PPP4R3A: variants seen among roughly 807,000 people sequenced by gnomAD.
PPP4R3A encodes the protein serine/threonine-protein phosphatase 4 regulatory subunit 3A.
In PPP4R3A, 15 loss-of-function variants were observed where a neutral mutation model predicts 91.7. The observed-to-expected ratio is 0.16, with a 90% CI of 0.11 to 0.25. PPP4R3A has a LOEUF of 0.25. Ranked by LOEUF, PPP4R3A falls within the 10% of genes least tolerant of loss-of-function variation. PPP4R3A has a pLI of 1.00. For synonymous variants in PPP4R3A, 377 were observed against 348.7 expected (o/e 1.08, Z -0.91); for missense variants, 623 against 998.4 (o/e 0.62, Z 5.07).
chr14:91,483,121 T>G (rs1889672668), intron 3 of PPP4R3A, among the ~76,000 whole-genome samples: 1 of 152,210 alleles, frequency 6.6e-6, no homozygotes, highest in Non-Finnish European at 1.5e-5. Context: ...GCATTTTTTT[T>G]GGTAACAAAA....
At chr14:91,506,030 C>G (rs988327201) in intron 1 of PPP4R3A, among the ~76,000 whole-genome samples, 1 of 151,956 alleles carries the variant, frequency 6.6e-6, no homozygotes, top group African/African-American at 2.4e-5. Flanking sequence ...ACTGCAAGCT[C>G]CGCCTCCTGT....
In PPP4R3A at chr14:91,509,788, C is replaced by A; in HGVS notation, c.-141G>T. ...ACTGCCGCCGCTGGGCGCCGCGGGG[C>A]CGCGCCGCCGCCTGCATGGCCCGCT... On this transcript the variant is annotated 5_prime_UTR_variant, in exon 1 of 15. Coordinates refer to ENST00000554943, the MANE Select transcript of PPP4R3A (RefSeq NM_001366432.2). The A allele has an allele frequency of 1.6e-6, 2 of 1,249,598 alleles. No homozygotes were observed. Among genetic ancestry groups the A allele is most frequent in the Non-Finnish European group, 2.0e-6 (2 of 1,001,144 alleles). The allele number at this position is 1,249,598 out of a possible 1,614,324, so 77.4% of individuals were successfully genotyped here.
chr14:91,475,736 T>G, intron 7 of PPP4R3A, 75 bp downstream of exon 7: 1 of 1,392,282 alleles, frequency 7.2e-7, no homozygotes, highest in African/African-American at 1.5e-5. Context: ...AACAATTAAA[T>G]CTTAAAAGTG....
chr14:91,468,696 AAG>A, intron 10 of PPP4R3A, among the ~76,000 whole-genome samples: 2 of 145,140 alleles, frequency 1.4e-5, no homozygotes, highest in African/African-American at 5.1e-5. Flanking sequence ...AAAAGGAAAA[AAG>A]AAAAAAAAGA....
At chr14:91,482,234 G>T in intron 3 of PPP4R3A, 41 bp from the exon 4 acceptor site, 2 of 1,538,178 alleles carry the variant, frequency 1.3e-6, no homozygotes, top group Non-Finnish European at 8.7e-7. Context: ...TAGATAACAG[G>T]TGACCAGCAA....
chr14:91,488,845 C>A (rs373844338), intron 2 of PPP4R3A, among the ~76,000 whole-genome samples: 8 of 151,842 alleles, frequency 5.3e-5, no homozygotes, highest in African/African-American at 1.9e-4. Flanking sequence ...GCCTCAGTTT[C>A]CTCATCATTA....
chr14:91,495,255 T>C (rs1393715843), intron 1 of PPP4R3A, among the ~76,000 whole-genome samples: 1 of 149,032 alleles, frequency 6.7e-6, no homozygotes, highest in African/African-American at 2.5e-5. Context: ...TGAAAACATA[T>C]GAAATTAAAG....
At chr14:91,487,359 A>T (rs889500448) in intron 2 of PPP4R3A, among the ~76,000 whole-genome samples, 8 of 152,124 alleles carry the variant, frequency 5.3e-5, no homozygotes, top group Non-Finnish European at 1.2e-4. Context: ...TCTCATTGAG[A>T]GCAATCTATA....
intron 3 of PPP4R3A, among the ~76,000 whole-genome samples, chr14:91,485,109 C>T (rs539953865): frequency 6.6e-6 from 1 of 152,012 alleles, no homozygotes; most frequent in East Asian, 1.9e-4. Context: ...CACCTAATTG[C>T]TCTAGCTAAA....
intron 1 of PPP4R3A, among the ~76,000 whole-genome samples, chr14:91,493,655 A>G (rs1042007950): frequency 6.8e-6 from 1 of 146,134 alleles, no homozygotes; most frequent in Non-Finnish European, 1.5e-5. Flanking sequence ...AAAAAGGTAT[A>G]AAAATCTCCA....
At chr14:91,503,236 C>A (rs952077935) in intron 1 of PPP4R3A, among the ~76,000 whole-genome samples, 1 of 152,148 alleles carries the variant, frequency 6.6e-6, no homozygotes, top group Non-Finnish European at 1.5e-5. Flanking sequence ...AATCCTCCCC[C>A]ACCTTGGCTT....
chr14:91,503,640 G>A (rs1159565684), intron 1 of PPP4R3A, among the ~76,000 whole-genome samples: 1 of 152,030 alleles, frequency 6.6e-6, no homozygotes, highest in African/African-American at 2.4e-5. Flanking sequence ...CTAGGTGATG[G>A]GTTGATCTGT....
chr14:91,506,795 C>T (rs77819506), intron 1 of PPP4R3A, among the ~76,000 whole-genome samples: 7 of 152,276 alleles, frequency 4.6e-5, no homozygotes, highest in East Asian at 1.9e-4. Flanking sequence ...CACAATCCGT[C>T]GGCCTGGGCA....
intron 14 of PPP4R3A, 77 bp from the exon 15 acceptor site, chr14:91,458,946 G>GAAAATAGATCCTACCAAC: frequency 6.8e-7 from 1 of 1,463,180 alleles, no homozygotes; most frequent in Non-Finnish European, 9.1e-7. Context: ...GCTGGAGAAA[G>GAAAATAGATCCTACCAAC]AAAATAGATC....
Position 91,462,791 on chromosome 14 carries a change from T to G in PPP4R3A, c.1917A>C (p.Gly639=). The G allele has an allele frequency of 6.2e-7, 1 of 1,613,394 alleles. No homozygotes were observed. Among genetic ancestry groups the G allele is most frequent in the Non-Finnish European group, 8.5e-7 (1 of 1,179,476 alleles). The change falls in exon 12 of 15, where the codon GGA becomes GGC. Residue 639 remains glycine (G), a synonymous_variant. Transcript: ENST00000554943. The stretch of plus-strand genomic sequence containing the variant: ...TTTGTTGTTCAAATCTCAGTTTTAA[T>G]CCTTTAAATGTCTGTACATAATCTA... ...EDVDYVQTFK[G]LKLRFEQQRE...
chr14:91,477,069 G>C, intron 4 of PPP4R3A, 83 bp from the exon 5 acceptor site: 1 of 970,092 alleles, frequency 1.0e-6, no homozygotes. Flanking sequence ...AATATACACA[G>C]CAATAACTAT....
intron 3 of PPP4R3A, among the ~76,000 whole-genome samples, chr14:91,482,766 G>C (rs950478333): frequency 1.4e-4 from 22 of 152,156 alleles, no homozygotes; most frequent in Non-Finnish European, 4.4e-5. Flanking sequence ...CAAAGAGCAT[G>C]AACAAACTGG....
intron 4 of PPP4R3A, among the ~76,000 whole-genome samples, chr14:91,480,484 T>G (rs1361426577): frequency 6.6e-6 from 1 of 152,224 alleles, no homozygotes; most frequent in East Asian, 1.9e-4. Flanking sequence ...CCTCCTCTGC[T>G]ACATTCCCTA....
Position 91,458,652 on chromosome 14 carries a change from G to A in PPP4R3A, c.*107C>T, listed in dbSNP as rs1163066570. On this transcript the variant is annotated 3_prime_UTR_variant, in exon 15 of 15. Transcript: ENST00000554943. ...AGTCAAGTGTAAGAGGCTGATCTGT[G>A]TCAGTCATTCACAAGAGACCACTGC... is the stretch of plus-strand genomic sequence containing the variant. 8.0e-6 allele frequency: 12 copies of A among 1,501,168 alleles called. No individual in the cohort carries two copies. The highest frequency in any genetic ancestry group is 1.1e-5 in the Non-Finnish European group (12 of 1,078,370). The allele number at this position is 1,501,168 out of a possible 1,614,324, so 93.0% of individuals were successfully genotyped here.
Sources: allele counts gnomAD v4.1 joint callset (sites outside exome capture counted in the v4.1 genomes callset), GRCh38; gene constraint gnomAD v4.1.1; transcripts MANE v1.5; gene names NCBI Gene and HGNC (gene_info 2026-07-23, HGNC 2026-07-21).